The following ADAMTS12 variants were observed in gnomAD, a reference collection of about 807,000 sequenced individuals.
ADAMTS12 encodes the protein A disintegrin and metalloproteinase with thrombospondin motifs 12.
In ADAMTS12, 118 loss-of-function variants were observed where a neutral mutation model predicts 167.8. That is an observed-to-expected ratio of 0.70 (90% confidence interval 0.61 to 0.82). The LOEUF (loss-of-function observed/expected upper bound fraction) is 0.82. Ranked by LOEUF, ADAMTS12 falls within the 40% of genes least tolerant of loss-of-function variation. ADAMTS12 has a pLI of 0.00. For synonymous variants in ADAMTS12, 704 were observed against 716.9 expected (o/e 0.98, Z 0.29); for missense variants, 1,916 against 1,998.8 (o/e 0.96, Z 0.79).
At chr5:33,774,395 T>C (rs1440621102) in intron 2 of ADAMTS12, among the ~76,000 whole-genome samples, 1 of 152,056 alleles carries the variant, frequency 6.6e-6, no homozygotes, top group Non-Finnish European at 1.5e-5. Context: ...AACTACACTA[T>C]TTTTTTTCTA....
intron 2 of ADAMTS12, among the ~76,000 whole-genome samples, chr5:33,798,747 A>G (rs1221152246): frequency 1.3e-5 from 2 of 152,098 alleles, no homozygotes; most frequent in Non-Finnish European, 2.9e-5. Context: ...GCGGCTTCTT[A>G]TAAGAATTGT....
chr5:33,549,099 G>T, intron 21 of ADAMTS12, 108 bp downstream of exon 21: 1 of 1,365,390 alleles, frequency 7.3e-7, no homozygotes, highest in East Asian at 2.5e-5. Flanking sequence ...CCAGTCATTG[G>T]CAGGACACAG....
chr5:33,798,434 C>CTT (rs3037113), intron 2 of ADAMTS12, among the ~76,000 whole-genome samples: 393 of 69,282 alleles, frequency 5.7e-3, no homozygotes, highest in East Asian at 9.9e-3. Flanking sequence ...TTCTTTGTAT[C>CTT]TTTTTTTTTT....
chr5:33,534,395 C>T (rs1744268423), intron 23 of ADAMTS12, among the ~76,000 whole-genome samples: 1 of 152,166 alleles, frequency 6.6e-6, no homozygotes, highest in Non-Finnish European at 1.5e-5. Context: ...TGCACACACA[C>T]TTTCACCCCA....
intron 2 of ADAMTS12, among the ~76,000 whole-genome samples, chr5:33,855,463 T>C (rs758364743): frequency 6.6e-6 from 1 of 152,248 alleles, no homozygotes; most frequent in Non-Finnish European, 1.5e-5. Flanking sequence ...CTCCATGGTG[T>C]CCTACATGTT....
intron 14 of ADAMTS12, among the ~76,000 whole-genome samples, chr5:33,617,216 CTTTT>C (rs71600917): frequency 4.1e-5 from 6 of 144,738 alleles, no homozygotes; most frequent in African/African-American, 1.5e-4. Flanking sequence ...GTTCTTTCAA[CTTTT>C]TTTTTTTTTT....
At chr5:33,839,204 T>C (rs1465436) in intron 2 of ADAMTS12, among the ~76,000 whole-genome samples, 7,004 of 152,304 alleles carry the variant, frequency 0.046, 277 homozygotes, top group East Asian at 0.17. Context: ...AACATGTTTG[T>C]GCCTCAGTGT....
intron 2 of ADAMTS12, among the ~76,000 whole-genome samples, chr5:33,816,035 C>T (rs936887900): frequency 2.0e-5 from 3 of 152,158 alleles, no homozygotes; most frequent in African/African-American, 7.2e-5. Flanking sequence ...ATGATGAGCA[C>T]CCAGGTCTGG....
intron 13 of ADAMTS12, among the ~76,000 whole-genome samples, chr5:33,626,757 G>A (rs1237365832): frequency 6.7e-6 from 1 of 149,990 alleles, no homozygotes; most frequent in Non-Finnish European, 1.5e-5. Flanking sequence ...GTGGTGATGT[G>A]GTAGTGATGG....
Position 33,546,058 on chromosome 5 carries a change from C to A in ADAMTS12, c.4446+1G>T. ...AAAAAGTATGTATAACCAAGTCTTA[C>A]CAGGTCCCAGTTCCCAGTGGCCCAG... On this transcript the variant is annotated splice_donor_variant, in intron 22 of 23. Coordinates refer to ENST00000504830, the MANE Select transcript of ADAMTS12 (RefSeq NM_030955.4). LOFTEE classifies it high-confidence loss of function. 6.2e-7 allele frequency: 1 copy of A among 1,607,612 alleles called. No homozygotes were observed. Among genetic ancestry groups the A allele is most frequent in the Admixed American group, 1.7e-5 (1 of 58,716 alleles).
At chr5:33,795,728 T>C (rs533801384) in intron 2 of ADAMTS12, among the ~76,000 whole-genome samples, 1 of 152,162 alleles carries the variant, frequency 6.6e-6, no homozygotes, top group South Asian at 2.1e-4. Context: ...AGCCCAAATG[T>C]GGAGGGTTTT....
intron 7 of ADAMTS12, among the ~76,000 whole-genome samples, chr5:33,654,641 G>A (rs1182993383): frequency 6.6e-6 from 1 of 152,144 alleles, no homozygotes; most frequent in Non-Finnish European, 1.5e-5. Flanking sequence ...TCCCTAACTG[G>A]TCTTTTTGAC....
intron 3 of ADAMTS12, among the ~76,000 whole-genome samples, chr5:33,684,508 C>A (rs1417247329): frequency 6.6e-6 from 1 of 152,126 alleles, no homozygotes; most frequent in Non-Finnish European, 1.5e-5. Context: ...AATAACTTAC[C>A]CAGAGTTGTG....
chr5:33,537,404 A>G (rs1266167208), intron 22 of ADAMTS12, among the ~76,000 whole-genome samples: 2 of 152,206 alleles, frequency 1.3e-5, no homozygotes, highest in African/African-American at 4.8e-5. Context: ...ACTGCTCCCT[A>G]CTGGAGGCCT....
rs1012931070 is a variant in ADAMTS12 at position 33,569,971 on chromosome 5, T to A, written c.3972+6083A>T. 2.0e-5 allele frequency among the ~76,000 whole-genome samples: 3 copies of A among 152,128 alleles called. 1 individual carries two copies. In the South Asian group the frequency reaches 6.2e-4, roughly 32 times the overall value. On this transcript the variant is annotated intron_variant, in intron 19 of 23. Transcript: ENST00000504830. ...AATGCAGAAGCCTCAGGAGCTGATG[T>A]GATCAACTGGAAGAAAGGGTATCAG...
chr5:33,859,182 G>T (rs1312434298), intron 2 of ADAMTS12, among the ~76,000 whole-genome samples: 1 of 152,182 alleles, frequency 6.6e-6, no homozygotes, highest in East Asian at 1.9e-4. Context: ...CTGGAAAGGG[G>T]GCTAAAGCCA....
intron 2 of ADAMTS12, among the ~76,000 whole-genome samples, chr5:33,778,523 C>T (rs182540914): frequency 1.2e-4 from 18 of 148,790 alleles, no homozygotes; most frequent in African/African-American, 2.1e-4. Context: ...AAAATTAACT[C>T]GAAATGGATT....
intron 3 of ADAMTS12, among the ~76,000 whole-genome samples, chr5:33,700,398 A>G (rs1742956093): frequency 6.6e-6 from 1 of 152,228 alleles, no homozygotes; most frequent in South Asian, 2.1e-4. Flanking sequence ...TCACCAGGAA[A>G]TAATTATGAG....
At chr5:33,581,366 A>G (rs931055831) in intron 18 of ADAMTS12, among the ~76,000 whole-genome samples, 18 of 152,108 alleles carry the variant, frequency 1.2e-4, no homozygotes, top group African/African-American at 4.1e-4. Context: ...ACTTATCACC[A>G]TCCTGGATAC....
Sources: allele counts gnomAD v4.1 joint callset (sites outside exome capture counted in the v4.1 genomes callset), GRCh38; gene constraint gnomAD v4.1.1; transcripts MANE v1.5; gene names NCBI Gene and HGNC (gene_info 2026-07-23, HGNC 2026-07-21).